The following ALK variants were observed in gnomAD, a reference collection of about 807,000 sequenced individuals.
ALK encodes ALK tyrosine kinase receptor.
ALK carries 74 observed loss-of-function variants against 163.1 expected under a neutral mutation model. The observed-to-expected ratio is 0.45, with a 90% confidence interval of 0.38 to 0.55. The LOEUF is 0.55. ALK is among the 20% of genes least tolerant of loss of function. The pLI is 0.00. For synonymous variants in ALK, 960 were observed against 843.2 expected, an observed-to-expected ratio of 1.14 and a Z score of -2.40; for missense variants, 2,063 against 2,105.3, an observed-to-expected ratio of 0.98 and a Z score of 0.39.
At chr2:29,611,820 G>C (rs1251881627) in intron 3 of ALK, among the ~76,000 whole-genome samples, 3 of 152,154 alleles carry the variant, frequency 2.0e-5, no homozygotes, top group Non-Finnish European at 4.4e-5. Flanking sequence ...TATCCACCAT[G>C]ATTGTAAGTT....
At chr2:29,340,960 G>T (rs1316373397) in intron 5 of ALK, among the ~76,000 whole-genome samples, 1 of 152,202 alleles carries the variant, frequency 6.6e-6, no homozygotes, top group East Asian at 1.9e-4. Flanking sequence ...TGCCTGACTA[G>T]CACTCAGGGG....
chr2:29,473,537 A>G (rs1357027735), intron 4 of ALK, among the ~76,000 whole-genome samples: 3 of 152,310 alleles, frequency 2.0e-5, no homozygotes, highest in East Asian at 1.9e-4. Context: ...CCCTAAAATC[A>G]TTAAGAAAAA....
rs62130612 is a variant in ALK at position 29,272,303 on chromosome 2, G to A, written c.2041+2796C>T. On this transcript the variant is annotated intron_variant, in intron 11 of 28. Coordinates refer to ENST00000389048, the MANE Select transcript of ALK (RefSeq NM_004304.5). ...AAAGCTGACAAATGTAATTTCCCTGGACTTAATACTTGCCCCATTTTCTCT... is the reference window on the plus strand; with the variant it reads ...AAAGCTGACAAATGTAATTTCCCTGAACTTAATACTTGCCCCATTTTCTCT... 3.0e-3 allele frequency among the ~76,000 whole-genome samples: 455 copies of A among 152,228 alleles called. 1 individual carries two copies. Among genetic ancestry groups the A allele is most frequent in the Non-Finnish European group, 5.1e-3 (345 of 68,012 alleles).
Position 29,229,161 on chromosome 2 carries a change from C to T in ALK, c.2633-95G>A, listed in dbSNP as rs371914179. ...GCAGGATGCAGGACGCCTTGGAGGGCGCCCGCACCAGCTCCAGCTCCCGGG... is the reference window on the plus strand; with the variant it reads ...GCAGGATGCAGGACGCCTTGGAGGGTGCCCGCACCAGCTCCAGCTCCCGGG... On this transcript the variant is annotated intron_variant, in intron 15 of 28. Coordinates refer to ENST00000389048, the MANE Select transcript of ALK (RefSeq NM_004304.5). 9.3e-5 allele frequency: 107 copies of T among 1,148,106 alleles called. No individual in the cohort carries two copies. In the Middle Eastern group the frequency reaches 2.3e-3, roughly 24 times the overall value. The allele number at this position is 1,148,106 out of a possible 1,614,324, so 71.1% of individuals were successfully genotyped here. A position where few individuals can be genotyped will look rare whatever the true frequency, so the allele number is the denominator to read the frequency against.
chr2:29,593,204 T>C (rs184435422), intron 3 of ALK, among the ~76,000 whole-genome samples: 265 of 152,292 alleles, frequency 1.7e-3, no homozygotes, highest in Middle Eastern at 6.8e-3. Flanking sequence ...CAACGTAACA[T>C]TGGTCTGTGA....
chr2:29,517,514 A>C (rs1275816857), intron 4 of ALK, among the ~76,000 whole-genome samples: 1 of 152,162 alleles, frequency 6.6e-6, no homozygotes, highest in African/African-American at 2.4e-5. Context: ...TGCCAGATAG[A>C]ATAATTTTTT....
At chr2:29,852,877 C>G (rs1047084779) in intron 1 of ALK, among the ~76,000 whole-genome samples, 3 of 150,366 alleles carry the variant, frequency 2.0e-5, no homozygotes, top group Non-Finnish European at 3.0e-5. Context: ...TCTCTGCTCT[C>G]TACCATGTGA....
chr2:29,395,224 G>A (rs1198567257), intron 4 of ALK, among the ~76,000 whole-genome samples: 4 of 152,130 alleles, frequency 2.6e-5, no homozygotes, highest in Non-Finnish European at 5.9e-5. Context: ...CAAGCCCAAA[G>A]GCTCCATTTC....
At chr2:29,225,111 C>A (rs1346729540) in intron 19 of ALK, among the ~76,000 whole-genome samples, 3 of 152,148 alleles carry the variant, frequency 2.0e-5, no homozygotes, top group Non-Finnish European at 4.4e-5. Flanking sequence ...CAAACAGGAG[C>A]TGCGCCGGTG....
chr2:29,748,400 C>A (rs1680265610), intron 1 of ALK, among the ~76,000 whole-genome samples: 1 of 152,202 alleles, frequency 6.6e-6, no homozygotes, highest in South Asian at 2.1e-4. Context: ...CAATGCTTCT[C>A]AAATGTTAAT....
intron 1 of ALK, among the ~76,000 whole-genome samples, chr2:29,719,379 CTG>C (rs1421858476): frequency 6.6e-6 from 1 of 152,156 alleles, no homozygotes; most frequent in Non-Finnish European, 1.5e-5. Flanking sequence ...GGGTGAGAGT[CTG>C]TGTTTGTGAG....
chr2:29,797,732 T>C (rs576974899), intron 1 of ALK, among the ~76,000 whole-genome samples: 124 of 152,358 alleles, frequency 8.1e-4, no homozygotes, highest in African/African-American at 2.8e-3. Context: ...GACTCTTTCC[T>C]ACTCATCTCC....
In ALK at chr2:29,549,237, A is replaced by C. The variant is rs112952457; in HGVS notation, c.953-17121T>G. Among the ~76,000 whole-genome samples, 557 of 152,152 alleles carry C rather than the reference A, an allele frequency of 3.7e-3. 1 individual carries two copies. Among genetic ancestry groups the C allele is most frequent in the African/African-American group, 0.013 (536 of 41,498 alleles). On this transcript the variant is annotated intron_variant, in intron 3 of 28. Coordinates refer to ENST00000389048, the MANE Select transcript of ALK (RefSeq NM_004304.5). ...GATGTGAAATATATTTCTTACTGTG[A>C]ATCACAGTTTTAAAAAGATTGAAAG...
chr2:29,574,362 T>A, intron 3 of ALK, among the ~76,000 whole-genome samples: 1 of 152,204 alleles, frequency 6.6e-6, no homozygotes, highest in South Asian at 2.1e-4. Flanking sequence ...GAAACGTACA[T>A]GAGGGGGTTA....
chr2:29,900,597 C>T (rs1053642531), intron 1 of ALK, among the ~76,000 whole-genome samples: 1 of 152,230 alleles, frequency 6.6e-6, no homozygotes, highest in Non-Finnish European at 1.5e-5. Context: ...GTGGGTACTT[C>T]ACTCAATGTC....
At chr2:29,546,010 G>T (rs1446013590) in intron 3 of ALK, among the ~76,000 whole-genome samples, 1 of 152,202 alleles carries the variant, frequency 6.6e-6, no homozygotes, top group Non-Finnish European at 1.5e-5. Flanking sequence ...GCTCATGTGT[G>T]TGTGTAGTAA....
chr2:29,837,189 G>A (rs1035236500), intron 1 of ALK, among the ~76,000 whole-genome samples: 3 of 152,206 alleles, frequency 2.0e-5, no homozygotes, highest in Non-Finnish European at 4.4e-5. Flanking sequence ...TAGGGAAACA[G>A]ATAAGGTAAG....
chr2:29,701,694 A>C (rs1477890768), intron 2 of ALK, among the ~76,000 whole-genome samples: 4 of 152,154 alleles, frequency 2.6e-5, no homozygotes, highest in Admixed American at 2.6e-4. Flanking sequence ...AAGTGTATTC[A>C]TAAGTAATAA....
chr2:29,449,661 C>T (rs1442183196), intron 4 of ALK, among the ~76,000 whole-genome samples: 2 of 152,198 alleles, frequency 1.3e-5, no homozygotes, highest in African/African-American at 4.8e-5. Context: ...TGAGGGCTTA[C>T]GGATGTTTGT....
Sources: allele counts gnomAD v4.1 joint callset (sites outside exome capture counted in the v4.1 genomes callset), GRCh38; gene constraint gnomAD v4.1.1; transcripts MANE v1.5; gene names NCBI Gene and HGNC (gene_info 2026-07-23, HGNC 2026-07-21).